Variants in IQCM observed in about 807,000 individuals in gnomAD.
The protein encoded by IQCM is IQ domain-containing protein M.
A neutral mutation model predicts 57.6 loss-of-function variants in IQCM; 45 were observed. That is an observed-to-expected ratio of 0.78 (90% CI 0.62 to 1.00). The LOEUF (loss-of-function observed/expected upper bound fraction) is 1.00. Ranked by LOEUF, IQCM falls within the 50% of genes least tolerant of loss-of-function variation. The pLI, the probability that IQCM is intolerant of heterozygous loss-of-function variation, is 0.00. For synonymous variants in IQCM, 148 were observed against 158.9 expected, an observed-to-expected ratio of 0.93 and a Z score of 0.51; for missense variants, 468 against 511.6, an observed-to-expected ratio of 0.91 and a Z score of 0.82.
chr4:149,794,754 A>C (rs993743718), intron 2 of IQCM, among the ~76,000 whole-genome samples: 1 of 152,170 alleles, frequency 6.6e-6, no homozygotes, highest in African/African-American at 2.4e-5. Context: ...CTGTAAGATA[A>C]AGTCAAGAAA....
At chr4:149,585,009 G>C (rs1213640267) in intron 9 of IQCM, among the ~76,000 whole-genome samples, 1 of 151,638 alleles carries the variant, frequency 6.6e-6, no homozygotes, top group Non-Finnish European at 1.5e-5. Flanking sequence ...CTGCTGAGTG[G>C]GTACATAAAC....
chr4:149,491,878 T>C (rs1035391107), intron 12 of IQCM, among the ~76,000 whole-genome samples: 8 of 152,116 alleles, frequency 5.3e-5, no homozygotes, highest in Non-Finnish European at 1.2e-4. Context: ...TACCATTTTT[T>C]TCAAGGGTTC....
At chr4:149,578,416 G>A (rs1033344347) in intron 9 of IQCM, among the ~76,000 whole-genome samples, 42 of 151,756 alleles carry the variant, frequency 2.8e-4, no homozygotes, top group Admixed American at 1.7e-3. Context: ...TTATGCCAAA[G>A]GCGTGATGAG....
intron 2 of IQCM, among the ~76,000 whole-genome samples, chr4:149,758,743 A>C (rs549997021): frequency 6.6e-5 from 10 of 152,244 alleles, no homozygotes; most frequent in Non-Finnish European, 1.5e-4. Context: ...ATGCAAATTA[A>C]AACAATGAAA....
intron 12 of IQCM, among the ~76,000 whole-genome samples, chr4:149,456,145 A>G (rs1012103908): frequency 6.6e-6 from 1 of 152,106 alleles, no homozygotes; most frequent in Non-Finnish European, 1.5e-5. Context: ...GAAGACCCAA[A>G]GAAACAGGAA....
At chr4:149,370,508 C>CAT (rs150414906) in intron 13 of IQCM, among the ~76,000 whole-genome samples, 8,520 of 150,168 alleles carry the variant, frequency 0.057, 264 homozygotes, top group Admixed American at 0.082. Flanking sequence ...TCATCATTTG[C>CAT]ATATATATAT....
chr4:149,510,361 T>C (rs1380353206), intron 12 of IQCM, among the ~76,000 whole-genome samples: 2 of 152,176 alleles, frequency 1.3e-5, no homozygotes, highest in Non-Finnish European at 2.9e-5. Context: ...TTGTGTGGTA[T>C]AGAATTTAAA....
chr4:149,446,608 T>C (rs1736537910), intron 12 of IQCM, among the ~76,000 whole-genome samples: 2 of 151,652 alleles, frequency 1.3e-5, no homozygotes, highest in African/African-American at 4.8e-5. Flanking sequence ...TTGAGGGAAA[T>C]AATGGGTCTT....
At chr4:149,634,802 T>C (rs982032342) in intron 7 of IQCM, among the ~76,000 whole-genome samples, 1 of 152,222 alleles carries the variant, frequency 6.6e-6, no homozygotes, top group African/African-American at 2.4e-5. Flanking sequence ...TGTATTTTGA[T>C]TGTGCTTTAA....
intron 8 of IQCM, among the ~76,000 whole-genome samples, chr4:149,612,961 A>G (rs1246855085): frequency 6.6e-6 from 1 of 152,118 alleles, no homozygotes; most frequent in Non-Finnish European, 1.5e-5. Flanking sequence ...TCAGGACCTG[A>G]GTTAATTCCA....
chr4:149,377,399 G>GC (rs926830109), intron 13 of IQCM, among the ~76,000 whole-genome samples: 3 of 152,122 alleles, frequency 2.0e-5, no homozygotes, highest in Non-Finnish European at 4.4e-5. Flanking sequence ...CTGGAATGAT[G>GC]CTTGCAGGAT....
chr4:149,376,095 G>T (rs1277842318), intron 13 of IQCM, among the ~76,000 whole-genome samples: 2 of 152,010 alleles, frequency 1.3e-5, no homozygotes, highest in Non-Finnish European at 2.9e-5. Context: ...ATTAGAAAGG[G>T]CATGATTTTA....
At chr4:149,740,315 A>C (rs1299938091) in intron 3 of IQCM, among the ~76,000 whole-genome samples, 2 of 152,184 alleles carry the variant, frequency 1.3e-5, no homozygotes, top group African/African-American at 4.8e-5. Context: ...ACATTTTTTA[A>C]GTACCTACTA....
At position 149,634,764 on chromosome 4, in the gene IQCM, A is replaced by C. The variant is rs573477093; in HGVS notation, c.566-13520T>G. Among the ~76,000 whole-genome samples, 10 of 152,360 alleles carry C rather than the reference A, an allele frequency of 6.6e-5. No individual in the cohort carries two copies. The South Asian group carries it at 1.5e-3, about 22-fold the overall frequency. ...TAGAACAATTACTATATATTAGTTC[A>C]TATTAATAAGTTGTTAATTTTAGGT... is the stretch of plus-strand genomic sequence containing the variant. On this transcript the variant is annotated intron_variant, in intron 7 of 13. Transcript: ENST00000636793.
At chr4:149,751,535 A>G (rs1391486182) in intron 2 of IQCM, among the ~76,000 whole-genome samples, 3 of 152,190 alleles carry the variant, frequency 2.0e-5, no homozygotes, top group African/African-American at 7.2e-5. Flanking sequence ...AGTCCCAGAA[A>G]TTAGGACAGC....
In IQCM at chr4:149,563,682, GA is replaced by G. The variant is rs1263453169; in HGVS notation, c.948+9del. The G allele has an allele frequency of 1.6e-6, 2 of 1,228,104 alleles. No homozygotes were observed. Among genetic ancestry groups the G allele is most frequent in the Non-Finnish European group, 2.0e-6 (2 of 984,546 alleles). The allele number at this position is 1,228,104 out of a possible 1,614,324, so 76.1% of individuals were successfully genotyped here. ...TTTAAACACATTATAATATCTGATG[GA>G]TATCTTACCTTGGTCATTACTCTTT... On this transcript the variant is annotated intron_variant, in intron 10 of 13. Transcript: ENST00000636793.
chr4:149,710,193 A>C (rs577535423), intron 5 of IQCM, among the ~76,000 whole-genome samples: 214 of 152,264 alleles, frequency 1.4e-3, no homozygotes, highest in Non-Finnish European at 2.1e-3. Flanking sequence ...GGCAGCTCTG[A>C]GCAAATTAGG....
At chr4:149,742,532 T>C in intron 3 of IQCM, 123 bp downstream of exon 3, 1 of 506,564 alleles carries the variant, frequency 2.0e-6, no homozygotes, top group East Asian at 3.5e-5. Flanking sequence ...GGGAATGGAA[T>C]AAATCCTTTC....
At chr4:149,776,782 TAAG>T (rs1425445988) in intron 2 of IQCM, among the ~76,000 whole-genome samples, 1 of 152,092 alleles carries the variant, frequency 6.6e-6, no homozygotes, top group Admixed American at 6.5e-5. Context: ...GAAGAATGGC[TAAG>T]AAGACATAAA....
Sources: allele counts gnomAD v4.1 joint callset (sites outside exome capture counted in the v4.1 genomes callset), GRCh38; gene constraint gnomAD v4.1.1; transcripts MANE v1.5; gene names NCBI Gene and HGNC (gene_info 2026-07-23, HGNC 2026-07-21).